Variants in VTI1A observed in about 807,000 individuals in gnomAD.
VTI1A encodes the protein vesicle transport through interaction with t-SNAREs 1A.
VTI1A carries 22 observed loss-of-function variants against 34.9 expected under a neutral mutation model. The ratio of observed to expected loss-of-function variants is 0.63; its 90% CI spans 0.45 to 0.90. VTI1A has a LOEUF of 0.90. Among genes scored for constraint, VTI1A ranks in the 40% least tolerant of loss-of-function variants. The pLI is 0.00. For missense variants in VTI1A, 268 were observed against 275.6 expected (o/e 0.97, Z 0.20); for synonymous variants, 87 against 97.3 (o/e 0.89, Z 0.62).
chr10:112,722,718 G>A (rs1849856963), intron 7 of VTI1A, among the ~76,000 whole-genome samples: 1 of 151,820 alleles, frequency 6.6e-6, no homozygotes, highest in Non-Finnish European at 1.5e-5. Flanking sequence ...AGATGCCCAG[G>A]CCCCACCGCA....
At chr10:112,855,086 C>G in the VTI1A span, among the ~76,000 whole-genome samples, 1 of 152,198 alleles carries the variant, frequency 6.6e-6, no homozygotes, top group Non-Finnish European at 1.5e-5. Flanking sequence ...GCTGGAGAAG[C>G]TCCACCTGGG....
chr10:112,598,261 C>A (rs999902800), intron 5 of VTI1A, among the ~76,000 whole-genome samples: 2 of 152,150 alleles, frequency 1.3e-5, no homozygotes, highest in African/African-American at 4.8e-5. Context: ...ACTTGTAAGT[C>A]TCTAATTATC....
intron 7 of VTI1A, among the ~76,000 whole-genome samples, chr10:112,724,062 C>T (rs1443197196): frequency 1.3e-5 from 2 of 152,164 alleles, no homozygotes; most frequent in Middle Eastern, 3.2e-3. Context: ...TTCACCATTG[C>T]AGACACTGCA....
intron 7 of VTI1A, among the ~76,000 whole-genome samples, chr10:112,733,514 A>C (rs1490589873): frequency 6.6e-6 from 1 of 152,122 alleles, no homozygotes; most frequent in Non-Finnish European, 1.5e-5. Flanking sequence ...TAAGTTTGCC[A>C]TAATGTTTTA....
chr10:112,696,040 A>G (rs1163623212), intron 7 of VTI1A, among the ~76,000 whole-genome samples: 1 of 151,624 alleles, frequency 6.6e-6, no homozygotes, highest in Non-Finnish European at 1.5e-5. Context: ...CCTCCAATGT[A>G]TTTTGTTTAC....
chr10:112,548,132 A>T (rs970976234), intron 5 of VTI1A, among the ~76,000 whole-genome samples: 2 of 152,020 alleles, frequency 1.3e-5, no homozygotes, highest in Non-Finnish European at 2.9e-5. Flanking sequence ...CATTATATGG[A>T]GATTTTGTGG....
intron 5 of VTI1A, among the ~76,000 whole-genome samples, chr10:112,546,060 G>A (rs541769019): frequency 2.7e-5 from 4 of 150,220 alleles, no homozygotes; most frequent in South Asian, 4.2e-4. Flanking sequence ...GTGTATACGC[G>A]TATGTGTGTG....
At chr10:112,464,186 T>C (rs1474538956) in intron 2 of VTI1A, among the ~76,000 whole-genome samples, 1 of 152,118 alleles carries the variant, frequency 6.6e-6, no homozygotes, top group African/African-American at 2.4e-5. Context: ...TTGGTAGAGA[T>C]GGGGTTTCGC....
At chr10:112,733,096 T>C (rs1416877704) in intron 7 of VTI1A, among the ~76,000 whole-genome samples, 1 of 152,202 alleles carries the variant, frequency 6.6e-6, no homozygotes, top group Non-Finnish European at 1.5e-5. Context: ...TTACTGGGAT[T>C]ATCTGGGTTT....
intron 7 of VTI1A, among the ~76,000 whole-genome samples, chr10:112,751,808 G>A (rs1335891764): frequency 6.6e-6 from 1 of 152,228 alleles, no homozygotes; most frequent in African/African-American, 2.4e-5. Flanking sequence ...GCAGAGGTGA[G>A]GAGTTGATCT....
At chr10:112,473,219 C>G (rs1382191733) in intron 3 of VTI1A, among the ~76,000 whole-genome samples, 1 of 151,652 alleles carries the variant, frequency 6.6e-6, no homozygotes, top group African/African-American at 2.4e-5. Flanking sequence ...AGAGATTCTC[C>G]TGCCTCAGCC....
chr10:112,798,658 A>G (rs1298949537), intron 7 of VTI1A, among the ~76,000 whole-genome samples: 2 of 152,132 alleles, frequency 1.3e-5, no homozygotes, highest in Non-Finnish European at 2.9e-5. Context: ...CATCAAATCC[A>G]CAAATACGGT....
At chr10:112,537,414 T>C (rs2134252477) in intron 4 of VTI1A, among the ~76,000 whole-genome samples, 1 of 147,748 alleles carries the variant, frequency 6.8e-6, no homozygotes, top group South Asian at 2.1e-4. Context: ...ATCTAATGTA[T>C]GATCATTATG....
At chr10:112,586,124 A>G (rs1844146652) in intron 5 of VTI1A, among the ~76,000 whole-genome samples, 1 of 122,254 alleles carries the variant, frequency 8.2e-6, no homozygotes, top group Admixed American at 8.5e-5. Flanking sequence ...AGTGGCATAA[A>G]GAGTGGCTTT....
chr10:112,822,758 A>G (rs1242354819), downstream of VTI1A, among the ~76,000 whole-genome samples: 1 of 152,200 alleles, frequency 6.6e-6, no homozygotes, highest in South Asian at 2.1e-4. Flanking sequence ...GCTCATTATT[A>G]TCCCCGACAA....
At chr10:112,587,415 TA>T (rs567932843) in intron 5 of VTI1A, among the ~76,000 whole-genome samples, 1 of 151,890 alleles carries the variant, frequency 6.6e-6, no homozygotes, top group Non-Finnish European at 1.5e-5. Context: ...AAAGCTGGCA[TA>T]AAAAAATAAG....
At chr10:112,496,610 A>T (rs543881597) in intron 3 of VTI1A, among the ~76,000 whole-genome samples, 6 of 152,130 alleles carry the variant, frequency 3.9e-5, no homozygotes, top group Non-Finnish European at 8.8e-5. Context: ...TTAAGGCAAA[A>T]TTATTGCTTT....
At chr10:112,833,209 GCAGCCTCTACTCAT>G in the VTI1A span, among the ~76,000 whole-genome samples, 1 of 151,952 alleles carries the variant, frequency 6.6e-6, no homozygotes, top group Non-Finnish European at 1.5e-5. Context: ...AGCATCTCCT[GCAGCCTCTACTCAT>G]CAGAAAGAGT....
At chr10:112,608,538 A>G (rs1285106106) in intron 5 of VTI1A, among the ~76,000 whole-genome samples, 2 of 152,162 alleles carry the variant, frequency 1.3e-5, no homozygotes, top group Non-Finnish European at 2.9e-5. Flanking sequence ...CATGTGGGCA[A>G]ATATATCTAA....
Sources: gnomAD v4.1 joint callset for allele counts (sites outside exome capture counted in the v4.1 genomes callset) on GRCh38, gnomAD v4.1.1 for gene constraint, MANE v1.5 for transcripts, NCBI Gene and HGNC (gene_info 2026-07-23, HGNC 2026-07-21) for gene names.